Variants in GRIA1 observed in about 807,000 individuals in gnomAD.
GRIA1 encodes glutamate ionotropic receptor AMPA type subunit 1.
Under a neutral mutation model 99.2 loss-of-function variants are expected in GRIA1, and 31 were observed. The ratio of observed to expected loss-of-function variants is 0.31; its 90% CI spans 0.23 to 0.42. The LOEUF (loss-of-function observed/expected upper bound fraction) is 0.42. Ranked by LOEUF, GRIA1 falls within the 10% of genes least tolerant of loss-of-function variation. The pLI is 1.00. For missense variants in GRIA1, 782 were observed against 1,157.5 expected, an observed-to-expected ratio of 0.68 and a Z score of 4.71; for synonymous variants, 438 against 432.4, an observed-to-expected ratio of 1.01 and a Z score of -0.16.
chr5:153,765,176 A>G (rs1763432938), intron 12 of GRIA1, among the ~76,000 whole-genome samples: 1 of 152,144 alleles, frequency 6.6e-6, no homozygotes, highest in Non-Finnish European at 1.5e-5. Context: ...TTGGCAGAAG[A>G]CAGTGAGCGG....
chr5:153,684,438 A>C (rs542682676), intron 7 of GRIA1, among the ~76,000 whole-genome samples: 1 of 152,354 alleles, frequency 6.6e-6, no homozygotes, highest in Non-Finnish European at 1.5e-5. Flanking sequence ...ACTTAGTCAT[A>C]GAGAGATTAT....
At chr5:153,791,504 GC>G (rs1362943217) in intron 13 of GRIA1, among the ~76,000 whole-genome samples, 1 of 152,012 alleles carries the variant, frequency 6.6e-6, no homozygotes, top group Non-Finnish European at 1.5e-5. Context: ...GTCTAAGTGA[GC>G]CCAGGCAAGG....
intron 11 of GRIA1, among the ~76,000 whole-genome samples, chr5:153,754,435 G>T (rs566375533): frequency 1.3e-5 from 2 of 152,020 alleles, no homozygotes; most frequent in Non-Finnish European, 2.9e-5. Flanking sequence ...AGGGACTATC[G>T]TTCAAGGTAG....
intron 2 of GRIA1, among the ~76,000 whole-genome samples, chr5:153,565,036 TA>T (rs1761491545): frequency 6.6e-6 from 1 of 152,204 alleles, no homozygotes; most frequent in African/African-American, 2.4e-5. Flanking sequence ...GTTATAATTT[TA>T]ATTTTCCCCC....
chr5:153,519,211 A>G (rs1756908305), intron 2 of GRIA1, among the ~76,000 whole-genome samples: 1 of 152,050 alleles, frequency 6.6e-6, no homozygotes, highest in Admixed American at 6.6e-5. Flanking sequence ...GCAGTGAGCC[A>G]AGATCACGCC....
chr5:153,614,916 A>T (rs955911642), intron 2 of GRIA1, among the ~76,000 whole-genome samples: 1 of 152,370 alleles, frequency 6.6e-6, no homozygotes, highest in Non-Finnish European at 1.5e-5. Flanking sequence ...TACAGAGTCA[A>T]TTGAAGAGGC....
intron 13 of GRIA1, among the ~76,000 whole-genome samples, chr5:153,791,354 C>T (rs954399634): frequency 1.3e-5 from 2 of 151,840 alleles, no homozygotes; most frequent in African/African-American, 2.4e-5. Flanking sequence ...GAATTAGCAT[C>T]TTATGAAATG....
intron 12 of GRIA1, among the ~76,000 whole-genome samples, chr5:153,767,725 C>T (rs936193807): frequency 6.6e-6 from 1 of 152,162 alleles, no homozygotes; most frequent in African/African-American, 2.4e-5. Flanking sequence ...TCTTGGCAGC[C>T]CCAGCCCAGA....
chr5:153,712,651 A>G (rs1212339093), intron 11 of GRIA1, among the ~76,000 whole-genome samples: 1 of 144,028 alleles, frequency 6.9e-6, no homozygotes, highest in Non-Finnish European at 1.5e-5. Context: ...CAAGTTGATG[A>G]AGGCAGCCTG....
At chr5:153,584,887 G>C (rs764829668) in intron 2 of GRIA1, among the ~76,000 whole-genome samples, 13 of 152,120 alleles carry the variant, frequency 8.5e-5, no homozygotes, top group Non-Finnish European at 1.8e-4. Flanking sequence ...AAAAGCATAG[G>C]GAACACAAGA....
intron 11 of GRIA1, among the ~76,000 whole-genome samples, chr5:153,708,216 A>G (rs1287583639): frequency 6.6e-6 from 1 of 152,096 alleles, no homozygotes; most frequent in African/African-American, 2.4e-5. Flanking sequence ...GAATTTGGCA[A>G]TGGTTACCCA....
chr5:153,676,073 G>A (rs927088806), intron 6 of GRIA1, among the ~76,000 whole-genome samples: 1 of 152,050 alleles, frequency 6.6e-6, no homozygotes, highest in Non-Finnish European at 1.5e-5. Flanking sequence ...TAGCCAGGAT[G>A]GTCTTGATCT....
intron 11 of GRIA1, among the ~76,000 whole-genome samples, chr5:153,740,314 A>G (rs951948102): frequency 5.3e-5 from 8 of 152,318 alleles, no homozygotes; most frequent in African/African-American, 1.9e-4. Flanking sequence ...GCAGAGTGAG[A>G]TAAGGGAGAC....
chr5:153,504,231 C>T (rs575516417), intron 2 of GRIA1, among the ~76,000 whole-genome samples: 9 of 151,724 alleles, frequency 5.9e-5, no homozygotes, highest in South Asian at 4.2e-4. Context: ...CAAAACCATA[C>T]GGACATGGGG....
intron 2 of GRIA1, among the ~76,000 whole-genome samples, chr5:153,555,612 C>A (rs776605889): frequency 9.9e-5 from 15 of 152,134 alleles, no homozygotes; most frequent in Non-Finnish European, 1.0e-4. Flanking sequence ...TGGAAGAAGG[C>A]AGCTGGGCAC....
At chr5:153,564,750 G>C (rs1327807299) in intron 2 of GRIA1, among the ~76,000 whole-genome samples, 2 of 152,172 alleles carry the variant, frequency 1.3e-5, no homozygotes, top group Non-Finnish European at 2.9e-5. Flanking sequence ...TGAAGACAGA[G>C]AGAGAGAGAG....
In GRIA1 at chr5:153,699,089, G is replaced by T; in HGVS notation, c.1452+16G>T. The T allele has an allele frequency of 6.3e-7, 1 of 1,589,918 alleles. No individual in the cohort carries two copies. The highest frequency in any genetic ancestry group is 8.6e-7 in the Non-Finnish European group (1 of 1,158,788). ...GGTCTATGGAGTAAGTTCACTGCAGGGTGGGAAATTAGAGGGCGGAGGCAG... is the reference window on the plus strand; with the variant it reads ...GGTCTATGGAGTAAGTTCACTGCAGTGTGGGAAATTAGAGGGCGGAGGCAG... On this transcript the variant is annotated intron_variant, in intron 10 of 15. Coordinates refer to ENST00000285900, the MANE Select transcript of GRIA1 (RefSeq NM_000827.4).
chr5:153,785,382 G>T (rs1764909220), intron 13 of GRIA1, among the ~76,000 whole-genome samples: 1 of 152,082 alleles, frequency 6.6e-6, no homozygotes, highest in Non-Finnish European at 1.5e-5. Context: ...AATCCTAGTG[G>T]TTCCCAAACT....
chr5:153,500,610 TACACACACACACACACACACACAC>T (rs35636352), intron 2 of GRIA1, among the ~76,000 whole-genome samples: 1,517 of 120,162 alleles, frequency 0.013, 28 homozygotes, highest in African/African-American at 0.043. Flanking sequence ...CCCTCTTACA[TACACACACACACACACACACACAC>T]ACACACACAC....
Sources: allele counts gnomAD v4.1 joint callset (sites outside exome capture counted in the v4.1 genomes callset), GRCh38; gene constraint gnomAD v4.1.1; transcripts MANE v1.5; gene names NCBI Gene and HGNC (gene_info 2026-07-23, HGNC 2026-07-21).